IGSF21: variants seen among roughly 807,000 people sequenced by gnomAD.
IGSF21 encodes immunoglobin superfamily member 21.
IGSF21 carries 28 observed loss-of-function variants against 46.8 expected under a neutral mutation model. The ratio of observed to expected loss-of-function variants is 0.60; its 90% confidence interval spans 0.44 to 0.82. IGSF21 has a LOEUF of 0.82. IGSF21 is among the 40% of genes least tolerant of loss of function. The pLI is 0.00. For synonymous variants in IGSF21, 284 were observed against 273.6 expected (o/e 1.04, Z -0.38); for missense variants, 624 against 665.5 (o/e 0.94, Z 0.69).
Position 18,292,003 on chromosome 1 carries a change from T to C in IGSF21, c.305+16T>C, listed in dbSNP as rs2085272380. On this transcript the variant is annotated intron_variant, in intron 3 of 9. Coordinates refer to ENST00000251296, the MANE Select transcript of IGSF21 (RefSeq NM_032880.5). ...CCACTGTGAGGTGAGTGCCTGGGGG[T>C]GGCGGGCCGACAGCGGGGGAAGGGC... 1.4e-6 allele frequency: 2 copies of C among 1,427,354 alleles called. No individual in the cohort carries two copies. Among genetic ancestry groups the C allele is most frequent in the Middle Eastern group, 1.9e-4 (1 of 5,132 alleles). 88.4% of individuals were successfully genotyped at this position (1,427,354 alleles called of 1,614,324 possible).
chr1:18,156,444 C>T (rs2086570266), intron 1 of IGSF21, among the ~76,000 whole-genome samples: 1 of 152,204 alleles, frequency 6.6e-6, no homozygotes, highest in Non-Finnish European at 1.5e-5. Context: ...AAGTAGGCGA[C>T]AGGGCTGGGA....
intron 5 of IGSF21, among the ~76,000 whole-genome samples, chr1:18,364,312 C>G (rs1474206092): frequency 1.3e-5 from 2 of 152,058 alleles, no homozygotes; most frequent in Non-Finnish European, 2.9e-5. Context: ...AAAAAACCAA[C>G]GCAGGCTATC....
At chr1:18,318,467 T>TGCGTGC (rs1410339956) in intron 3 of IGSF21, among the ~76,000 whole-genome samples, 1 of 112,336 alleles carries the variant, frequency 8.9e-6, no homozygotes, top group African/African-American at 4.2e-5. Flanking sequence ...CGTGCGTGCG[T>TGCGTGC]GTGTGTGTGT....
chr1:18,233,169 C>A (rs983784066), intron 2 of IGSF21, among the ~76,000 whole-genome samples: 2 of 152,170 alleles, frequency 1.3e-5, no homozygotes, highest in African/African-American at 4.8e-5. Context: ...GGTTACAAGG[C>A]CACAGAAAAG....
At chr1:18,137,388 C>T (rs1450301431) in intron 1 of IGSF21, among the ~76,000 whole-genome samples, 1 of 152,210 alleles carries the variant, frequency 6.6e-6, no homozygotes, top group South Asian at 2.1e-4. Context: ...TGGGGACACA[C>T]ATCCACCTGA....
At chr1:18,165,997 T>C (rs564253853) in intron 1 of IGSF21, among the ~76,000 whole-genome samples, 2 of 152,230 alleles carry the variant, frequency 1.3e-5, no homozygotes, top group South Asian at 4.1e-4. Context: ...AAGGTAGATG[T>C]GTCAGGTTAT....
chr1:18,235,330 A>G (rs565815849), intron 2 of IGSF21, among the ~76,000 whole-genome samples: 2 of 152,340 alleles, frequency 1.3e-5, no homozygotes, highest in Admixed American at 1.3e-4. Flanking sequence ...TCATCAAGGA[A>G]GAAGACAAGA....
chr1:18,146,457 G>C (rs1352128697), intron 1 of IGSF21, among the ~76,000 whole-genome samples: 3 of 152,116 alleles, frequency 2.0e-5, no homozygotes, highest in Non-Finnish European at 4.4e-5. Context: ...CTGGAGCTGA[G>C]CCAGTGCACC....
At chr1:18,144,862 C>A (rs1045726111) in intron 1 of IGSF21, among the ~76,000 whole-genome samples, 5 of 152,084 alleles carry the variant, frequency 3.3e-5, no homozygotes, top group Non-Finnish European at 7.3e-5. Flanking sequence ...CCTCTATTTC[C>A]CCATTTGCCA....
At chr1:18,116,893 G>C (rs1159402179) in intron 1 of IGSF21, among the ~76,000 whole-genome samples, 1 of 152,194 alleles carries the variant, frequency 6.6e-6, no homozygotes, top group African/African-American at 2.4e-5. Context: ...GGAAGAGAGG[G>C]GAATGCCATC....
intron 1 of IGSF21, among the ~76,000 whole-genome samples, chr1:18,138,429 T>C (rs2086386489): frequency 6.6e-6 from 1 of 152,140 alleles, no homozygotes; most frequent in Non-Finnish European, 1.5e-5. Flanking sequence ...GCTACTGTTA[T>C]TGCTTGCTTT....
chr1:18,283,853 C>T (rs958121130), intron 2 of IGSF21, among the ~76,000 whole-genome samples: 3 of 152,150 alleles, frequency 2.0e-5, no homozygotes, highest in Admixed American at 2.0e-4. Flanking sequence ...GGCATCCCTT[C>T]TCTGGCCATG....
At chr1:18,325,795 C>A (rs1273316524) in intron 3 of IGSF21, among the ~76,000 whole-genome samples, 1 of 152,302 alleles carries the variant, frequency 6.6e-6, no homozygotes, top group East Asian at 1.9e-4. Context: ...AAATGCTACC[C>A]CCAGTAGCTA....
At position 18,318,937 on chromosome 1, in the gene IGSF21, G is replaced by T. The variant is rs374329167; in HGVS notation, c.306-15955G>T. Among the ~76,000 whole-genome samples, 109 of 152,218 alleles carry T rather than the reference G, an allele frequency of 7.2e-4. 1 individual carries two copies. The South Asian group carries it at 0.015, about 21-fold the overall frequency. On this transcript the variant is annotated intron_variant, in intron 3 of 9. Transcript: ENST00000251296. ...TAGGAAACAGCCACCATAAATAATG[G>T]CTGGATTTAAACCAGGGAATGACCT...
chr1:18,314,500 G>A (rs913599053), intron 3 of IGSF21, among the ~76,000 whole-genome samples: 4 of 152,138 alleles, frequency 2.6e-5, no homozygotes, highest in African/African-American at 4.8e-5. Context: ...GACTGGTATC[G>A]TGGGCCGGGC....
At chr1:18,328,943 T>C (rs2085684919) in intron 3 of IGSF21, among the ~76,000 whole-genome samples, 1 of 152,048 alleles carries the variant, frequency 6.6e-6, no homozygotes, top group Non-Finnish European at 1.5e-5. Flanking sequence ...GTCATCAGAA[T>C]TAAGGGGCCC....
At chr1:18,266,600 C>T (rs1191861056) in intron 2 of IGSF21, among the ~76,000 whole-genome samples, 1 of 152,194 alleles carries the variant, frequency 6.6e-6, no homozygotes, top group Non-Finnish European at 1.5e-5. Context: ...TGGCAGTGGC[C>T]CAAGAACTTA....
At chr1:18,250,192 T>C (rs2084826811) in intron 2 of IGSF21, among the ~76,000 whole-genome samples, 1 of 150,138 alleles carries the variant, frequency 6.7e-6, no homozygotes, top group African/African-American at 2.5e-5. Flanking sequence ...GGAATTCACA[T>C]GTGTATTGCT....
chr1:18,315,063 C>T (rs2085527088), intron 3 of IGSF21, among the ~76,000 whole-genome samples: 1 of 152,106 alleles, frequency 6.6e-6, no homozygotes, highest in South Asian at 2.1e-4. Flanking sequence ...AAGGGCCAGG[C>T]AGTGCTTCCA....
Sources: allele counts gnomAD v4.1 joint callset (sites outside exome capture counted in the v4.1 genomes callset), GRCh38; gene constraint gnomAD v4.1.1; transcripts MANE v1.5; gene names NCBI Gene and HGNC (gene_info 2026-07-23, HGNC 2026-07-21).